RAPGEF2: variants seen among roughly 807,000 people sequenced by gnomAD.
RAPGEF2 encodes PDZ domain containing guanine nucleotide exchange factor (GEF) 1.
Under a neutral mutation model 186.7 loss-of-function variants are expected in RAPGEF2, and 54 were observed. The observed-to-expected ratio is 0.29, with a 90% CI of 0.23 to 0.36. The LOEUF (loss-of-function observed/expected upper bound fraction) is 0.36. Ranked by LOEUF, RAPGEF2 falls within the 10% of genes least tolerant of loss-of-function variation. RAPGEF2 has a pLI of 1.00. For synonymous variants in RAPGEF2, 712 were observed against 705.9 expected (o/e 1.01, Z -0.14); for missense variants, 1,532 against 2,045.0 (o/e 0.75, Z 4.84).
At chr4:159,241,137 G>A in intron 5 of RAPGEF2, 64 bp from the exon 6 acceptor site, 2 of 1,253,680 alleles carry the variant, frequency 1.6e-6, no homozygotes, top group Non-Finnish European at 2.1e-6. Flanking sequence ...GTTTCTTTCT[G>A]TATCTAATAT....
chr4:159,194,416 A>G (rs1480696324), intron 3 of RAPGEF2, among the ~76,000 whole-genome samples: 1 of 152,178 alleles, frequency 6.6e-6, no homozygotes, highest in Non-Finnish European at 1.5e-5. Flanking sequence ...AATTTCAGAC[A>G]CAATATTTGA....
At chr4:159,174,783 G>T (rs1162873062) in intron 1 of RAPGEF2, among the ~76,000 whole-genome samples, 3 of 147,256 alleles carry the variant, frequency 2.0e-5, no homozygotes, top group Non-Finnish European at 3.0e-5. Context: ...TTGAGATAGG[G>T]TCTTGCTCTG....
chr4:159,246,392 C>G (rs1382928612), intron 7 of RAPGEF2, among the ~76,000 whole-genome samples: 1 of 152,062 alleles, frequency 6.6e-6, no homozygotes, highest in African/African-American at 2.4e-5. Flanking sequence ...AAGATTGATT[C>G]ATGTATGAGG....
rs767154170 is a variant in RAPGEF2 at position 159,304,367 on chromosome 4, A to G, written c.569A>G (p.His190Arg). The part of the protein sequence containing the change: ...SQLPADFTKL[H>R]LTDSLHPQVT... ...CTTCCTGCAGATTTCACAAAACTGC[A>G]TCTTACTGACAGTCTCCACCCACAG... Residue 190 changes from histidine (H) to arginine (R), a missense_variant, in exon 8 of 30, where the codon CAT becomes CGT. His to Arg is a conservative substitution (Grantham distance 29). This residue lies in a region of RAPGEF2 where 810 missense variants were observed against 1,210.5 expected (regional missense o/e 0.67). Transcript: ENST00000691494. The G allele has an allele frequency of 1.2e-6, 2 of 1,605,872 alleles. No individual in the cohort carries two copies. Among genetic ancestry groups the G allele is most frequent in the Non-Finnish European group, 1.7e-6 (2 of 1,173,394 alleles).
At chr4:159,207,637 A>AG (rs2111362283) in intron 3 of RAPGEF2, among the ~76,000 whole-genome samples, 1 of 152,340 alleles carries the variant, frequency 6.6e-6, no homozygotes, top group East Asian at 1.9e-4. Flanking sequence ...AACTTGCCCC[A>AG]GGCCACATAG....
chr4:159,358,078 T>C (rs767865338), intron 29 of RAPGEF2, 36 bp from the exon 30 acceptor site: 1 of 1,603,896 alleles, frequency 6.2e-7, no homozygotes. Flanking sequence ...ACTTGCTTGC[T>C]CATTGATTTC....
chr4:159,105,212 A>G (rs924314256), intron 1 of RAPGEF2, among the ~76,000 whole-genome samples: 1 of 152,228 alleles, frequency 6.6e-6, no homozygotes, highest in Non-Finnish European at 1.5e-5. Context: ...GATGGTGACT[A>G]TAGGAGATCC....
In RAPGEF2 at chr4:159,225,079, AC is replaced by A. The variant is rs1220898880; in HGVS notation, c.282-13729del. On this transcript the variant is annotated intron_variant, in intron 4 of 29. Transcript: ENST00000691494. ...ATGCATTAACAAATAGGTGGGAGCT[AC>A]AGGGGATATAAAGAGATAACCTGGG... is the stretch of plus-strand genomic sequence containing the variant. 4.6e-5 allele frequency among the ~76,000 whole-genome samples: 7 copies of A among 152,194 alleles called. No homozygotes were observed. The East Asian group carries it at 1.2e-3, about 25-fold the overall frequency.
intron 6 of RAPGEF2, 135 bp downstream of exon 6, chr4:159,241,503 A>G (rs1195764008): frequency 3.3e-6 from 1 of 302,112 alleles, no homozygotes; most frequent in Non-Finnish European, 5.7e-6. Context: ...GTATACTTAA[A>G]TATTTATTTT....
chr4:159,287,997 A>C (rs536421541), intron 7 of RAPGEF2, among the ~76,000 whole-genome samples: 2 of 152,266 alleles, frequency 1.3e-5, no homozygotes, highest in African/African-American at 2.4e-5. Flanking sequence ...ATTTGTTCTC[A>C]CAACTGTCTT....
intron 7 of RAPGEF2, among the ~76,000 whole-genome samples, chr4:159,278,776 T>C (rs1440494474): frequency 2.6e-5 from 4 of 152,238 alleles, no homozygotes; most frequent in Admixed American, 2.6e-4. Flanking sequence ...TCTTCATTTG[T>C]AAAATGGAGG....
intron 8 of RAPGEF2, among the ~76,000 whole-genome samples, chr4:159,305,553 AGTT>A (rs1763180621): frequency 6.6e-6 from 1 of 151,842 alleles, no homozygotes; most frequent in Admixed American, 6.6e-5. Context: ...GTTGTTATTC[AGTT>A]GTTTGAGCTT....
intron 7 of RAPGEF2, among the ~76,000 whole-genome samples, chr4:159,259,577 G>A (rs1756566990): frequency 6.6e-6 from 1 of 152,154 alleles, no homozygotes; most frequent in Non-Finnish European, 1.5e-5. Flanking sequence ...CGTGTAACTA[G>A]TGTATTTTAA....
chr4:159,251,870 T>A (rs2111515098), intron 7 of RAPGEF2, among the ~76,000 whole-genome samples: 1 of 151,608 alleles, frequency 6.6e-6, no homozygotes, highest in East Asian at 2.0e-4. Context: ...TCTGCTTGGG[T>A]TCGTTTCCAC....
At chr4:159,185,506 A>C (rs1198712553) in intron 1 of RAPGEF2, among the ~76,000 whole-genome samples, 1 of 152,238 alleles carries the variant, frequency 6.6e-6, no homozygotes. Flanking sequence ...GTACTGATAC[A>C]TGCTAAAACA....
At chr4:159,324,729 T>C (rs1305948245) in intron 11 of RAPGEF2, among the ~76,000 whole-genome samples, 1 of 152,186 alleles carries the variant, frequency 6.6e-6, no homozygotes, top group Non-Finnish European at 1.5e-5. Flanking sequence ...TTTATTGATA[T>C]TCATATTTAA....
At position 159,323,604 on chromosome 4, in the gene RAPGEF2, TG is replaced by T; in HGVS notation, c.1138del (p.Asp380MetfsTer8). The T allele has an allele frequency of 6.4e-7, 1 of 1,568,266 alleles. No homozygotes were observed. The highest frequency in any genetic ancestry group is 8.6e-7 in the Non-Finnish European group (1 of 1,156,728). On this transcript the variant is annotated frameshift_variant, in exon 11 of 30. Coordinates refer to ENST00000691494, the MANE Select transcript of RAPGEF2 (RefSeq NM_001394067.2). LOFTEE classifies it high-confidence loss of function. ...ATGAAAGGAGTGATGAGAACAAAGGTGGATGACTGCCAGGTATAAAATATAT... is the reference window on the plus strand; with the variant it reads ...ATGAAAGGAGTGATGAGAACAAAGGTGATGACTGCCAGGTATAAAATATAT... Reference protein sequence around the residue: ...EYMKGVMRTKVDDCQFVCIAQ... With the variant: ...EYMKGVMRTKXDDCQFVCIAQ...
In RAPGEF2 at chr4:159,271,813, T is replaced by C. The variant is rs548120797; in HGVS notation, c.543+28022T>C. Among the ~76,000 whole-genome samples, 9 of 152,348 alleles carry C rather than the reference T, an allele frequency of 5.9e-5. No individual in the cohort carries two copies. In the East Asian group the frequency reaches 1.5e-3, roughly 26 times the overall value. ...GACATTCCAAGCAGCAAGAATATCA[T>C]GATCAAAATCATTTTATAAAACTTT... On this transcript the variant is annotated intron_variant, in intron 7 of 29. Coordinates refer to ENST00000691494, the MANE Select transcript of RAPGEF2 (RefSeq NM_001394067.2).
intron 3 of RAPGEF2, among the ~76,000 whole-genome samples, chr4:159,199,057 C>CAAAAA (rs749062756): frequency 6.2e-5 from 5 of 80,332 alleles, no homozygotes; most frequent in Non-Finnish European, 9.7e-5. Context: ...GACCCTGTCT[C>CAAAAA]AAAAAAAAAA....
Sources: allele counts gnomAD v4.1 joint callset (sites outside exome capture counted in the v4.1 genomes callset), GRCh38; gene constraint gnomAD v4.1.1; regional missense constraint gnomAD v4.1.1; transcripts MANE v1.5; gene names NCBI Gene and HGNC (gene_info 2026-07-23, HGNC 2026-07-21).